The following PDE4D variants were observed in gnomAD, a reference collection of about 807,000 sequenced individuals.
PDE4D encodes phosphodiesterase 4D.
In PDE4D, 24 loss-of-function variants were observed where a neutral mutation model predicts 87.4. The observed-to-expected ratio is 0.27, with a 90% CI of 0.20 to 0.39. PDE4D has a LOEUF of 0.39. PDE4D is among the 10% of genes least tolerant of loss of function. The pLI is 1.00. For missense variants in PDE4D, 714 were observed against 1,041.0 expected, an observed-to-expected ratio of 0.69 and a Z score of 4.32; for synonymous variants, 384 against 383.2, an observed-to-expected ratio of 1.00 and a Z score of -0.02.
chr5:59,699,700 T>C (rs1029111505), intron 1 of PDE4D, among the ~76,000 whole-genome samples: 1 of 152,210 alleles, frequency 6.6e-6, no homozygotes, highest in South Asian at 2.1e-4. Context: ...CCTTTGTTTA[T>C]GGACACTGAC....
chr5:59,186,422 G>C (rs1175452564), intron 3 of PDE4D, among the ~76,000 whole-genome samples: 2 of 152,168 alleles, frequency 1.3e-5, no homozygotes, highest in Non-Finnish European at 2.9e-5. Context: ...TGATGGCAGC[G>C]TTACCTTTGA....
At chr5:60,134,741 T>G (rs992550957) in intron 2 of PDE4D, among the ~76,000 whole-genome samples, 1 of 152,200 alleles carries the variant, frequency 6.6e-6, no homozygotes, top group African/African-American at 2.4e-5. Context: ...TGTTATAATG[T>G]ATTGCTTAGG....
chr5:59,513,978 T>C (rs1325786517), intron 1 of PDE4D, among the ~76,000 whole-genome samples: 1 of 152,222 alleles, frequency 6.6e-6, no homozygotes, highest in Non-Finnish European at 1.5e-5. Flanking sequence ...GGCATATACC[T>C]ATTAGTGAAT....
intron 2 of PDE4D, among the ~76,000 whole-genome samples, chr5:60,079,737 G>T (rs549791321): frequency 3.1e-4 from 47 of 152,212 alleles, no homozygotes; most frequent in African/African-American, 1.0e-3. Flanking sequence ...TGGTCTATTT[G>T]TCTGTTTCAG....
chr5:59,620,947 G>A lies in PDE4D; in HGVS notation c.455+272221C>T, dbSNP rs75453855. On this transcript the variant is annotated intron_variant, in intron 1 of 14. Transcript: ENST00000340635. ...ATTATAAAAAGATAAATGGAACAAG[G>A]ATTGTATTGTCAGACTTCTTTCTTA... Among the ~76,000 whole-genome samples the A allele has an allele frequency of 7.8e-4, 118 of 152,096 alleles. No homozygotes were observed. In the East Asian group the frequency reaches 0.021, roughly 27 times the overall value.
intron 2 of PDE4D, among the ~76,000 whole-genome samples, chr5:60,048,799 T>G (rs1025951596): frequency 2.0e-4 from 31 of 152,154 alleles, no homozygotes; most frequent in African/African-American, 7.2e-4. Context: ...GCCCTTAACA[T>G]TTTTTCCTTC....
At chr5:59,638,517 A>G (rs1485335737) in intron 1 of PDE4D, among the ~76,000 whole-genome samples, 2 of 152,216 alleles carry the variant, frequency 1.3e-5, no homozygotes, top group Non-Finnish European at 2.9e-5. Flanking sequence ...TAAAGAGCCA[A>G]CACACATGTT....
At chr5:59,689,183 C>T (rs573520371) in intron 1 of PDE4D, among the ~76,000 whole-genome samples, 20 of 152,200 alleles carry the variant, frequency 1.3e-4, no homozygotes, top group African/African-American at 3.6e-4. Context: ...CTATTCCAAT[C>T]GATAGAAAAA....
chr5:60,052,116 G>C (rs1426654505), intron 2 of PDE4D, among the ~76,000 whole-genome samples: 5 of 152,216 alleles, frequency 3.3e-5, no homozygotes, highest in Admixed American at 3.3e-4. Context: ...GAGGTACAAA[G>C]AGGAGCTGGT....
chr5:60,237,418 C>A (rs1377535246), intron 1 of PDE4D, among the ~76,000 whole-genome samples: 1 of 151,924 alleles, frequency 6.6e-6, no homozygotes, highest in Non-Finnish European at 1.5e-5. Context: ...TGGAATACTA[C>A]TCAGCAATAA....
Position 59,806,401 on chromosome 5 carries a change from G to A in PDE4D, c.455+86767C>T, listed in dbSNP as rs560809000. Among the ~76,000 whole-genome samples, 84 of 152,304 alleles carry A rather than the reference G, an allele frequency of 5.5e-4. 2 individuals are homozygous for A. Among genetic ancestry groups the A allele is most frequent in the Admixed American group, 4.9e-3 (75 of 15,300 alleles). On this transcript the variant is annotated intron_variant, in intron 1 of 14. Coordinates refer to ENST00000340635, the MANE Select transcript of PDE4D (RefSeq NM_001104631.2). The stretch of plus-strand genomic sequence containing the variant: ...AGACCTGGAAACAGTTAATACCAGA[G>A]CAAGTCCCCACTTATCAAAAGGAGC...
chr5:60,005,033 C>G (rs1185578827), intron 2 of PDE4D, among the ~76,000 whole-genome samples: 1 of 151,988 alleles, frequency 6.6e-6, no homozygotes, highest in East Asian at 1.9e-4. Context: ...TTGACAATAG[C>G]CAAGGTATGG....
intron 2 of PDE4D, among the ~76,000 whole-genome samples, chr5:60,023,923 C>T (rs1447451713): frequency 6.6e-6 from 1 of 152,130 alleles, no homozygotes; most frequent in African/African-American, 2.4e-5. Context: ...AACCATAGGG[C>T]TAGTATTTCT....
chr5:59,274,870 CAT>C (rs35251595), intron 1 of PDE4D, among the ~76,000 whole-genome samples: 12,523 of 152,012 alleles, frequency 0.082, 666 homozygotes, highest in Non-Finnish European at 0.12. Context: ...CATTTAGCCA[CAT>C]AGTTAAATTC....
chr5:59,078,914 G>C (rs1766176645), intron 5 of PDE4D, among the ~76,000 whole-genome samples: 1 of 152,100 alleles, frequency 6.6e-6, no homozygotes, highest in South Asian at 2.1e-4. Flanking sequence ...AAAAGAGTGA[G>C]ACGTTTGGTC....
At chr5:59,003,526 C>T (rs916952685) in intron 6 of PDE4D, among the ~76,000 whole-genome samples, 1 of 152,216 alleles carries the variant, frequency 6.6e-6, no homozygotes, top group South Asian at 2.1e-4. Context: ...GATTCTACAT[C>T]TGCCCCTTCA....
At chr5:59,245,438 A>C (rs988280307) in intron 1 of PDE4D, among the ~76,000 whole-genome samples, 2 of 152,154 alleles carry the variant, frequency 1.3e-5, no homozygotes, top group Non-Finnish European at 2.9e-5. Flanking sequence ...CACAGACATG[A>C]AGGCAGCCAG....
At chr5:59,700,311 ACTTTGGCCTATCATAC>A (rs1349536055) in intron 1 of PDE4D, among the ~76,000 whole-genome samples, 1 of 152,192 alleles carries the variant, frequency 6.6e-6, no homozygotes, top group Non-Finnish European at 1.5e-5. Context: ...CAACAACCCA[ACTTTGGCCTATCATAC>A]CTATGACACT....
chr5:59,106,542 C>T (rs1771611317), intron 5 of PDE4D, among the ~76,000 whole-genome samples: 1 of 152,134 alleles, frequency 6.6e-6, no homozygotes, highest in African/African-American at 2.4e-5. Flanking sequence ...GCAGTTGGAT[C>T]ATGAGGTCAG....
Sources: allele counts gnomAD v4.1 joint callset (sites outside exome capture counted in the v4.1 genomes callset), GRCh38; gene constraint gnomAD v4.1.1; transcripts MANE v1.5; gene names NCBI Gene and HGNC (gene_info 2026-07-23, HGNC 2026-07-21).